Variants in KMT2D observed in about 807,000 individuals in gnomAD.
KMT2D encodes the protein histone-lysine N-methyltransferase 2D.
Under a neutral mutation model 512.7 loss-of-function variants are expected in KMT2D, and 55 were observed. That is an observed-to-expected ratio of 0.11 (90% CI 0.09 to 0.13). KMT2D has a LOEUF of 0.13. Ranked by LOEUF, KMT2D falls within the 10% of genes least tolerant of loss-of-function variation. The probability of loss-of-function intolerance (pLI) is 1.00; values close to 1 mark genes in which losing one functional copy is unlikely to be tolerated. For missense variants in KMT2D, 6,061 were observed against 7,127.9 expected, an observed-to-expected ratio of 0.85 and a Z score of 5.39; for synonymous variants, 2,995 against 2,904.0, an observed-to-expected ratio of 1.03 and a Z score of -1.01.
rs201050032 is a variant in KMT2D, at chr12:49,037,385, C to A, written c.9971G>T (p.Gly3324Val). 70 of 1,608,574 alleles carry A rather than the reference C, an allele frequency of 4.4e-5. No homozygotes were observed. Among genetic ancestry groups the A allele is most frequent in the Non-Finnish European group, 5.9e-5 (69 of 1,177,900 alleles). ...SLGLAGARQPGLPQPLMPTQP... is the reference protein window; with the variant it reads ...SLGLAGARQPVLPQPLMPTQP... ...GGTGGGCATCAGTGGCTGGGGCAAACCTGGCTGTCGGGCACCTGCAAGACC... is the reference window on the plus strand; with the variant it reads ...GGTGGGCATCAGTGGCTGGGGCAAAACTGGCTGTCGGGCACCTGCAAGACC... The change falls in exon 35 of 55, where the codon GGT (glycine) becomes GTT (valine). Residue 3324 changes from glycine (G) to valine (V), a missense_variant. Coordinates refer to ENST00000301067, the MANE Select transcript of KMT2D (RefSeq NM_003482.4).
rs184496763 is a variant in KMT2D at position 49,046,300 on chromosome 12, C to A, written c.4543G>T (p.Val1515Leu). The A allele has an allele frequency of 6.2e-7, 1 of 1,613,980 alleles. No individual in the cohort carries two copies. The highest frequency in any genetic ancestry group is 2.2e-5 in the East Asian group (1 of 44,884). Residue 1515 changes from valine (V) to leucine (L), a missense_variant, in exon 17 of 55, where the codon GTA (valine) becomes TTA (leucine). Val to Leu is a conservative substitution (Grantham distance 32). This residue lies in a region of KMT2D where 640 missense variants were observed against 814.3 expected (regional missense o/e 0.79). Transcript: ENST00000301067. The surrounding 1 kb of genome is among the most constrained non-coding windows in gnomAD (Gnocchi z 4.2). ...VTCPICHAPY[V>L]EEDLLIQCRH... ...CACTGGATTAGTAGGTCCTCTTCTA[C>A]GTAAGGAGCATGACAGATAGGGCAG... is the stretch of plus-strand genomic sequence containing the variant.
Position 49,046,846 on chromosome 12 carries a change from CTTTTT to C in KMT2D, c.4237-61_4237-57del, listed in dbSNP as rs929750838. The C allele has an allele frequency of 2.0e-6, 3 of 1,512,574 alleles. No homozygotes were observed. The African/African-American group carries it at 4.2e-5, about 21-fold the overall frequency. The allele number at this position is 1,512,574 out of a possible 1,614,324, so 93.7% of individuals were successfully genotyped here. A position where few individuals can be genotyped will look rare whatever the true frequency, so the allele number is the denominator to read the frequency against. ...GTGAGGTGGAAAAGAGGTAGAACTTCTTTTTATTTTTTTTTGGAGATGGAGTTTTG... is the reference window on the plus strand; with the variant it reads ...GTGAGGTGGAAAAGAGGTAGAACTTCATTTTTTTTTGGAGATGGAGTTTTG... On this transcript the variant is annotated intron_variant, in intron 15 of 54. Transcript: ENST00000301067. This position sits in a 1 kb window ranked among gnomAD's most constrained non-coding sequence, Gnocchi z 4.2.
chr12:49,056,455 A>G (rs963725467), intron 1 of KMT2D, among the ~76,000 whole-genome samples: 4 of 149,846 alleles, frequency 2.7e-5, no homozygotes, highest in South Asian at 2.1e-4. Flanking sequence ...GCACAGTGGG[A>G]AAAAAAAAAG....
rs771787499 is a variant in KMT2D at position 49,052,371 on chromosome 12, TCTC to T, written c.1309_1311del (p.Glu437del). 2.3e-5 allele frequency: 36 copies of T among 1,542,810 alleles called. No homozygotes were observed. Among genetic ancestry groups the T allele is most frequent in the South Asian group, 2.2e-4 (17 of 78,708 alleles). ...TCCTCAGGTGGGGGCAGCAGTGGCA[TCTC>T]CTCGTTTAGGGGGGCCTCCAACTGG... On this transcript the variant is annotated inframe_deletion, in exon 11 of 55. Transcript: ENST00000301067.
Position 49,044,182 on chromosome 12 carries a change from TGCC to T in KMT2D, c.5188+15_5188+17del. 6.2e-7 allele frequency: 1 copy of T among 1,608,866 alleles called. No individual in the cohort carries two copies. The highest frequency in any genetic ancestry group is 8.5e-7 in the Non-Finnish European group (1 of 1,178,220). ...CCCACCTTCTCCCAGGCCCCACTGGTGCCCTCACCCGTCTCACCCTCGTCGGGC... is the reference window on the plus strand; with the variant it reads ...CCCACCTTCTCCCAGGCCCCACTGGTCTCACCCGTCTCACCCTCGTCGGGC... On this transcript the variant is annotated intron_variant, in intron 22 of 54. Transcript: ENST00000301067. The surrounding 1 kb of genome is among the most constrained non-coding windows in gnomAD (Gnocchi z 6.4).
rs776042622 is a variant in KMT2D, at chr12:49,042,708, T to A, written c.5782+33A>T. 8 of 1,609,278 alleles carry A rather than the reference T, an allele frequency of 5.0e-6. No homozygotes were observed. Among genetic ancestry groups the A allele is most frequent in the African/African-American group, 1.3e-5 (1 of 74,860 alleles). On this transcript the variant is annotated intron_variant, in intron 27 of 54. Transcript: ENST00000301067. The surrounding 1 kb of genome is among the most constrained non-coding windows in gnomAD (Gnocchi z 4.4). ...CCCATCCTGGAGGCAAGCTTGGTTA[T>A]GTCAGTCTTCAGACCACTCCCACCT...
chr12:49,048,872 G>C, intron 13 of KMT2D, 103 bp from the exon 14 acceptor site: 1 of 816,718 alleles, frequency 1.2e-6, no homozygotes, highest in Non-Finnish European at 2.0e-6. Context: ...CCTTGGTTAA[G>C]ATGAAGGCCA....
At position 49,037,413 on chromosome 12, in the gene KMT2D, G is replaced by A. The variant is rs2120478642; in HGVS notation, c.9943C>T (p.Leu3315=). 1.9e-6 allele frequency: 3 copies of A among 1,602,504 alleles called. No individual in the cohort carries two copies. Among genetic ancestry groups the A allele is most frequent in the Middle Eastern group, 1.7e-4 (1 of 6,050 alleles). The change falls in exon 35 of 55, where the codon CTG becomes TTG. Residue 3315 remains leucine (L), a synonymous_variant. Transcript: ENST00000301067. ...GGCTGTCGGGCACCTGCAAGACCCA[G>A]GGAAAGCTGCTGTTGGGACCCAGCC... The part of the protein sequence containing the change: ...SLAGSQQQLS[L]GLAGARQPGL...
In KMT2D at chr12:49,041,004, C is replaced by T. The variant is rs1432001329; in HGVS notation, c.6766G>A (p.Ala2256Thr). The change falls in exon 32 of 55, where the codon GCT becomes ACT. Residue 2256 changes from alanine to threonine, a missense_variant. Physicochemically the swap from Ala to Thr is moderately conservative, Grantham distance 58. This residue lies in a region of KMT2D where 710 missense variants were observed against 647.3 expected (regional missense o/e 1.10). Coordinates refer to ENST00000301067, the MANE Select transcript of KMT2D (RefSeq NM_003482.4). The surrounding 1 kb of genome is among the most constrained non-coding windows in gnomAD (Gnocchi z 5.4). ...KPRCPSLDNL[A>T]VPESPGVGGG... ...CCTACCCCAGGGCTCTCAGGCACAGCCAAGTTATCCAGCGAGGGGCAGCGG... is the reference window on the plus strand; with the variant it reads ...CCTACCCCAGGGCTCTCAGGCACAGTCAAGTTATCCAGCGAGGGGCAGCGG... The T allele has an allele frequency of 6.3e-7, 1 of 1,592,892 alleles. No individual in the cohort carries two copies. The highest frequency in any genetic ancestry group is 8.6e-7 in the Non-Finnish European group (1 of 1,168,510).
At chr12:49,058,388 C>G (rs1341285716) in intron 1 of KMT2D, among the ~76,000 whole-genome samples, 1 of 152,236 alleles carries the variant, frequency 6.6e-6, no homozygotes, top group East Asian at 1.9e-4. Context: ...AAAGGCAAAA[C>G]CCCTATTTTC....
chr12:49,033,712 G>C lies in KMT2D; in HGVS notation c.10993C>G (p.Pro3665Ala), dbSNP rs112170602. The change falls in exon 40 of 55, where the codon CCT becomes GCT. Residue 3665 changes from proline (P) to alanine (A), a missense_variant. Coordinates refer to ENST00000301067, the MANE Select transcript of KMT2D (RefSeq NM_003482.4). ...AGGAAGGGGCCACCAGGCTGTCCAG[G>C]TAGTGCCATACCCCCAGGGGTCAGG... ...LRLTPGGMAL[P>A]GQPGGPFLNT... The C allele has an allele frequency of 2.3e-3, 3,716 of 1,613,672 alleles. 5 individuals carry two copies. The highest frequency in any genetic ancestry group is 2.8e-3 in the Non-Finnish European group (3,289 of 1,179,870).
At position 49,040,605 on chromosome 12, in the gene KMT2D, G is replaced by T; in HGVS notation, c.7165C>A (p.Pro2389Thr). ...AQPPLTPRPQPPPPESCCALP... is the reference protein window; with the variant it reads ...AQPPLTPRPQTPPPESCCALP... ...GCACAGCAGCTCTCAGGGGGCGGAG[G>T]TTGGGGCCGAGGAGTCAATGGGGGC... is the stretch of plus-strand genomic sequence containing the variant. Residue 2389 changes from proline (P) to threonine (T), a missense_variant, in exon 32 of 55, where the codon CCT (proline) becomes ACT (threonine). Pro to Thr is a conservative substitution (Grantham distance 38). This residue lies in a region of KMT2D where 710 missense variants were observed against 647.3 expected (regional missense o/e 1.10). Coordinates refer to ENST00000301067, the MANE Select transcript of KMT2D (RefSeq NM_003482.4). 1 of 1,613,520 alleles carries T rather than the reference G, an allele frequency of 6.2e-7. No homozygotes were observed. Among genetic ancestry groups the T allele is most frequent in the Non-Finnish European group, 8.5e-7 (1 of 1,179,704 alleles).
rs1295460955 is a variant in KMT2D at position 49,038,846 on chromosome 12, A to G, written c.8510T>C (p.Phe2837Ser). Residue 2837 changes from phenylalanine (F) to serine (S), a missense_variant, in exon 35 of 55, where the codon TTT becomes TCT. Phe to Ser is a radical substitution (Grantham distance 155). Coordinates refer to ENST00000301067, the MANE Select transcript of KMT2D (RefSeq NM_003482.4). The surrounding 1 kb of genome is among the most constrained non-coding windows in gnomAD (Gnocchi z 5.7). ...TSMRFAMSAR[F>S]PSTPGPELGR... The stretch of plus-strand genomic sequence containing the variant: ...AAGTTCAGGTCCAGGAGTTGATGGA[A>G]AGCGAGCTGACATGGCAAATCGCAT... 3.9e-6 allele frequency: 6 copies of G among 1,554,102 alleles called. No homozygotes were observed. Among genetic ancestry groups the G allele is most frequent in the Non-Finnish European group, 5.2e-6 (6 of 1,148,406 alleles).
chr12:49,026,359 T>C lies in KMT2D; in HGVS notation c.15607A>G (p.Thr5203Ala). The C allele has an allele frequency of 2.5e-6, 4 of 1,612,582 alleles. No individual in the cohort carries two copies. The highest frequency in any genetic ancestry group is 2.2e-5 in the East Asian group (1 of 44,838). The change falls in exon 49 of 55, where the codon ACT becomes GCT. Residue 5203 changes from threonine (T) to alanine (A), a missense_variant. This residue lies in a region of KMT2D where 261 missense variants were observed against 440.7 expected (regional missense o/e 0.59). Transcript: ENST00000301067. This position sits in a 1 kb window ranked among gnomAD's most constrained non-coding sequence, Gnocchi z 9.6. ...TCGTAGCCCACGGGATAGAGGGCAGTGGCACTATGAAAGTCAGCCATCTGG... is the reference window on the plus strand; with the variant it reads ...TCGTAGCCCACGGGATAGAGGGCAGCGGCACTATGAAAGTCAGCCATCTGG... ...PHQMADFHSA[T>A]ALYPVGYEAT...
Position 49,030,662 on chromosome 12 carries a change from C to T in KMT2D, c.13778G>A (p.Gly4593Glu), listed in dbSNP as rs1425274289. ...GGGCAGCGCCCCACTTCCAAAGGCC[C>T]CCCTCAGCTGGCTCTGCCCATTGAC... The part of the protein sequence containing the change: ...CPVNGQSQLR[G>E]AFGSGALPTG... Residue 4593 changes from glycine (G) to glutamate (E), a missense_variant, in exon 42 of 55, where the codon GGG becomes GAG. By Grantham distance (98) the Gly-to-Glu change is moderately conservative. Transcript: ENST00000301067. The T allele has an allele frequency of 6.2e-7, 1 of 1,611,680 alleles. No homozygotes were observed. Among genetic ancestry groups the T allele is most frequent in the Non-Finnish European group, 8.5e-7 (1 of 1,179,030 alleles).
Position 49,034,873 on chromosome 12 carries a change from A to G in KMT2D, c.10294T>C (p.Leu3432=), listed in dbSNP as rs777724362. 46 of 1,613,876 alleles carry G rather than the reference A, an allele frequency of 2.9e-5. 1 individual carries two copies. In the South Asian group the frequency reaches 4.6e-4, roughly 16 times the overall value. ...DPIAKAKMVA[L]KGIKKVMAQG... is the part of the protein sequence containing the mutation. ...GCCATCACTTTCTTGATGCCTTTCAAAGCCACCATCTTGGCCTTTGCAATG... is the reference window on the plus strand; with the variant it reads ...GCCATCACTTTCTTGATGCCTTTCAGAGCCACCATCTTGGCCTTTGCAATG... Residue 3432 remains leucine (L), a synonymous_variant, in exon 36 of 55, where the codon TTG becomes CTG. Coordinates refer to ENST00000301067, the MANE Select transcript of KMT2D (RefSeq NM_003482.4).
At chr12:49,025,921 T>A (rs917973246) in intron 49 of KMT2D, among the ~76,000 whole-genome samples, 8 of 152,336 alleles carry the variant, frequency 5.3e-5, no homozygotes, top group African/African-American at 1.7e-4. Context: ...TGTTTCCTTT[T>A]GTTCCACTGG....
At position 49,032,341 on chromosome 12, in the gene KMT2D, C is replaced by T. The variant is rs1326879451; in HGVS notation, c.12364G>A (p.Gly4122Arg). The T allele has an allele frequency of 1.2e-6, 2 of 1,613,590 alleles. No homozygotes were observed. The highest frequency in any genetic ancestry group is 1.7e-5 in the Admixed American group (1 of 59,998). The change falls in exon 40 of 55, where the codon GGA (glycine) becomes AGA (arginine). Residue 4122 changes from glycine to arginine, a missense_variant. Physicochemically the swap from Gly to Arg is moderately radical, Grantham distance 125 (BLOSUM62 -2). This residue lies in a region of KMT2D where 1,600 missense variants were observed against 1,754.9 expected (regional missense o/e 0.91). Transcript: ENST00000301067. ...ACAGATGAGGCCTCAGAAGATGATC[C>T]ACTGCCTAGCTGCCCATGGCTTCCT... The part of the protein sequence containing the change: ...GGGSHGQLGS[G>R]SSSEASSVPH...
rs1332350348 is a variant in KMT2D at position 49,028,953 on chromosome 12, G to A, written c.14257C>T (p.Pro4753Ser). The change falls in exon 46 of 55, where the codon CCA becomes TCA. Residue 4753 changes from proline (P) to serine (S), a missense_variant. Pro to Ser is a moderately conservative substitution (Grantham distance 74). Transcript: ENST00000301067. ...LIPRASIPVF[P>S]DTKPYGALGL... ...AGGGCCCCATAAGGTTTGGTATCTGGGAAGACTGAATGAGAAAGAGGAATT... is the reference window on the plus strand; with the variant it reads ...AGGGCCCCATAAGGTTTGGTATCTGAGAAGACTGAATGAGAAAGAGGAATT... The A allele has an allele frequency of 6.2e-7, 1 of 1,613,812 alleles. No individual in the cohort carries two copies. Among genetic ancestry groups the A allele is most frequent in the Non-Finnish European group, 8.5e-7 (1 of 1,179,808 alleles).
Sources: allele counts gnomAD v4.1 joint callset (sites outside exome capture counted in the v4.1 genomes callset), GRCh38; gene constraint gnomAD v4.1.1; regional missense constraint gnomAD v4.1.1; non-coding constraint Gnocchi (gnomAD v3.1); transcripts MANE v1.5; gene names NCBI Gene and HGNC (gene_info 2026-07-23, HGNC 2026-07-21).